AGBL4: variants seen among roughly 807,000 people sequenced by gnomAD.
The protein encoded by AGBL4 is cytosolic carboxypeptidase 6.
In AGBL4, 58 loss-of-function variants were observed where a neutral mutation model predicts 66.4. The observed-to-expected ratio is 0.87, with a 90% confidence interval of 0.71 to 1.09. AGBL4 has a LOEUF of 1.09. Among genes scored for constraint, AGBL4 ranks in the 50% least tolerant of loss-of-function variants. The pLI is 0.00. For synonymous variants in AGBL4, 234 were observed against 222.9 expected (o/e 1.05, Z -0.44); for missense variants, 579 against 631.0 (o/e 0.92, Z 0.88).
intron 3 of AGBL4, among the ~76,000 whole-genome samples, chr1:49,304,637 G>T (rs1644817221): frequency 6.6e-6 from 1 of 152,204 alleles, no homozygotes; most frequent in Admixed American, 6.5e-5. Flanking sequence ...AGGCTACAGA[G>T]AAAATTCGTA....
intron 3 of AGBL4, among the ~76,000 whole-genome samples, chr1:49,644,057 T>C (rs371248751): frequency 6.6e-6 from 1 of 151,426 alleles, no homozygotes; most frequent in East Asian, 1.9e-4. Flanking sequence ...GCACAAAGGA[T>C]GGAGTGAGAG....
intron 5 of AGBL4, among the ~76,000 whole-genome samples, chr1:48,922,112 C>A (rs1392214475): frequency 1.3e-5 from 2 of 152,110 alleles, no homozygotes; most frequent in African/African-American, 4.8e-5. Context: ...TTCTCCAGTG[C>A]CTGTGTGATT....
At chr1:49,644,447 T>C (rs143144669) in intron 3 of AGBL4, among the ~76,000 whole-genome samples, 5 of 151,642 alleles carry the variant, frequency 3.3e-5, no homozygotes, top group Admixed American at 1.3e-4. Flanking sequence ...GGTTAAAGTA[T>C]AAAGATGGGA....
intron 5 of AGBL4, among the ~76,000 whole-genome samples, chr1:49,039,725 A>G (rs1046681374): frequency 6.6e-6 from 1 of 152,120 alleles, no homozygotes; most frequent in Non-Finnish European, 1.5e-5. Flanking sequence ...TAGGCTACAT[A>G]TATAAATATT....
intron 3 of AGBL4, among the ~76,000 whole-genome samples, chr1:49,542,150 C>A (rs1170927906): frequency 6.6e-6 from 1 of 152,156 alleles, no homozygotes; most frequent in Non-Finnish European, 1.5e-5. Context: ...GTAAAACAGA[C>A]CAATTAGCTC....
At chr1:49,201,459 C>T (rs984165085) in intron 4 of AGBL4, among the ~76,000 whole-genome samples, 1 of 152,116 alleles carries the variant, frequency 6.6e-6, no homozygotes, top group East Asian at 1.9e-4. Flanking sequence ...AAAACTTTCA[C>T]AATATTTTAC....
chr1:49,156,898 T>A lies in AGBL4; in HGVS notation c.377+88872A>T, dbSNP rs143105738. Among the ~76,000 whole-genome samples the A allele has an allele frequency of 7.4e-4, 112 of 152,198 alleles. 2 individuals carry two copies. In the East Asian group the frequency reaches 0.017, roughly 24 times the overall value. On this transcript the variant is annotated intron_variant, in intron 4 of 13. Transcript: ENST00000371839. Reference sequence around the variant, plus strand: ...CATAAATAGCAAAGAACACAATCTTTAGAGCCAACTGAAAGGTATTACTTA... The same window carrying A: ...CATAAATAGCAAAGAACACAATCTTAAGAGCCAACTGAAAGGTATTACTTA...
chr1:48,535,671 C>T (rs910665086), intron 12 of AGBL4, among the ~76,000 whole-genome samples: 8 of 152,156 alleles, frequency 5.3e-5, no homozygotes, highest in Non-Finnish European at 1.2e-4. Flanking sequence ...ATACAGAATA[C>T]CCTTTATCCC....
At chr1:49,593,797 A>G (rs1644800112) in intron 3 of AGBL4, among the ~76,000 whole-genome samples, 1 of 152,228 alleles carries the variant, frequency 6.6e-6, no homozygotes, top group South Asian at 2.1e-4. Context: ...AGTGCCTGGC[A>G]CATAGTAAGT....
In AGBL4 at chr1:48,675,591, A is replaced by G. The variant is rs531209468; in HGVS notation, c.635-12350T>C. ...AACATCCATCATTGTAAGTGGATTA[A>G]CAAGCAATCAGCTACACTTAACACC... On this transcript the variant is annotated intron_variant, in intron 6 of 13. Coordinates refer to ENST00000371839, the MANE Select transcript of AGBL4 (RefSeq NM_032785.4). 4.6e-5 allele frequency among the ~76,000 whole-genome samples: 7 copies of G among 152,352 alleles called. No homozygotes were observed. The East Asian group carries it at 1.3e-3, about 29-fold the overall frequency.
intron 3 of AGBL4, among the ~76,000 whole-genome samples, chr1:49,684,956 T>C (rs1483274912): frequency 1.3e-5 from 2 of 152,160 alleles, no homozygotes; most frequent in Admixed American, 6.5e-5. Flanking sequence ...GTTTGTTACA[T>C]GGGTAAATTG....
At chr1:49,828,422 T>C (rs1042273073) in intron 2 of AGBL4, among the ~76,000 whole-genome samples, 4 of 151,922 alleles carry the variant, frequency 2.6e-5, no homozygotes, top group African/African-American at 9.7e-5. Flanking sequence ...TACCAAGAAG[T>C]AAAGATGGTG....
At chr1:49,028,727 T>C (rs1419146070) in intron 5 of AGBL4, among the ~76,000 whole-genome samples, 1 of 152,144 alleles carries the variant, frequency 6.6e-6, no homozygotes, top group Non-Finnish European at 1.5e-5. Flanking sequence ...CAGGACTACT[T>C]TGATACCCAA....
intron 1 of AGBL4, among the ~76,000 whole-genome samples, chr1:49,875,165 T>A (rs1377763838): frequency 8.1e-5 from 12 of 148,898 alleles, no homozygotes; most frequent in African/African-American, 3.0e-4. Context: ...TATTATTATT[T>A]TTAATTATAC....
chr1:49,931,891 G>C (rs1653399855), intron 1 of AGBL4, among the ~76,000 whole-genome samples: 1 of 151,994 alleles, frequency 6.6e-6, no homozygotes, highest in African/African-American at 2.4e-5. Flanking sequence ...AGTAATTAAG[G>C]CAATGTGGCC....
intron 3 of AGBL4, among the ~76,000 whole-genome samples, chr1:49,555,826 G>A (rs1279092315): frequency 6.6e-6 from 1 of 152,068 alleles, no homozygotes; most frequent in Non-Finnish European, 1.5e-5. Flanking sequence ...AAACCACAAT[G>A]AGATATCATC....
chr1:49,894,447 G>C (rs1648969901), intron 1 of AGBL4, among the ~76,000 whole-genome samples: 1 of 152,110 alleles, frequency 6.6e-6, no homozygotes, highest in Admixed American at 6.5e-5. Context: ...AATAATAGCT[G>C]TTGAGGATAC....
chr1:49,207,642 G>A (rs1648342398), intron 4 of AGBL4, among the ~76,000 whole-genome samples: 1 of 139,704 alleles, frequency 7.2e-6, no homozygotes. Flanking sequence ...TGCACAGGCT[G>A]GAGTACATAC....
At position 49,598,661 on chromosome 1, in the gene AGBL4, C is replaced by T. The variant is rs1168584537; in HGVS notation, c.282+98652G>A. Among the ~76,000 whole-genome samples, 3 of 152,180 alleles carry T rather than the reference C, an allele frequency of 2.0e-5. No individual in the cohort carries two copies. In the East Asian group the frequency reaches 5.8e-4, roughly 30 times the overall value. On this transcript the variant is annotated intron_variant, in intron 3 of 13. Transcript: ENST00000371839. ...CCTCCCAGTTAGGCTGCTCGGGGGT[C>T]AGGGGTCAGGGACCCACTTGAGGAG...
Sources: gnomAD v4.1 joint callset for allele counts (sites outside exome capture counted in the v4.1 genomes callset) on GRCh38, gnomAD v4.1.1 for gene constraint, MANE v1.5 for transcripts, NCBI Gene and HGNC (gene_info 2026-07-23, HGNC 2026-07-21) for gene names.